The following NWD2 variants were observed in gnomAD, a reference collection of about 807,000 sequenced individuals.
The protein encoded by NWD2 is NACHT and WD repeat domain containing 2.
In NWD2, 37 loss-of-function variants were observed where a neutral mutation model predicts 132.7. That is an observed-to-expected ratio of 0.28 (90% CI 0.21 to 0.37). The LOEUF (loss-of-function observed/expected upper bound fraction) is 0.37. Among genes scored for constraint, NWD2 ranks in the 10% least tolerant of loss-of-function variants. The probability of loss-of-function intolerance (pLI) is 1.00; values close to 1 mark genes in which losing one functional copy is unlikely to be tolerated. For missense variants in NWD2, 1,592 were observed against 2,122.4 expected (o/e 0.75, Z 4.91); for synonymous variants, 705 against 803.0 (o/e 0.88, Z 2.06).
At position 37,446,493 on chromosome 4, in the gene NWD2, C is replaced by T. The variant is rs376873433; in HGVS notation, c.4505C>T (p.Thr1502Ile). 4.0e-5 allele frequency: 62 copies of T among 1,551,702 alleles called. No individual in the cohort carries two copies. Among genetic ancestry groups the T allele is most frequent in the Non-Finnish European group, 5.3e-5 (61 of 1,146,996 alleles). Reference sequence around the variant, plus strand: ...ATCGTGTTTATCACATCGGCCGAGACTGTGAACATCTGGAGTCTGACAGAT... The same window carrying T: ...ATCGTGTTTATCACATCGGCCGAGATTGTGAACATCTGGAGTCTGACAGAT... ...DIIVFITSAE[T>I]VNIWSLTDEV... Residue 1502 changes from threonine (T) to isoleucine (I), a missense_variant, in exon 7 of 7, where the codon ACT (threonine) becomes ATT (isoleucine). Transcript: ENST00000309447. This position sits in a 1 kb window ranked among gnomAD's most constrained non-coding sequence, Gnocchi z 6.7.
Position 37,244,876 on chromosome 4 carries a change from C to T in NWD2, c.-192C>T. The T allele has an allele frequency of 3.1e-6, 2 of 644,532 alleles. No homozygotes were observed. The highest frequency in any genetic ancestry group is 2.5e-6 in the Non-Finnish European group (1 of 394,038). The allele number at this position is 644,532 out of a possible 1,614,324, so 39.9% of individuals were successfully genotyped here. A position where few individuals can be genotyped will look rare whatever the true frequency, so the allele number is the denominator to read the frequency against. On this transcript the variant is annotated 5_prime_UTR_variant, in exon 1 of 7. Coordinates refer to ENST00000309447, the MANE Select transcript of NWD2 (RefSeq NM_001144990.2). This position sits in a 1 kb window ranked among gnomAD's most constrained non-coding sequence, Gnocchi z 5.5. ...CCGCCGCGACAGGAGCCCGAGGGTC[C>T]GTATGGCTTCTCCTCGCCGGCGGGT...
At chr4:37,293,985 T>C (rs1718422748) in intron 1 of NWD2, among the ~76,000 whole-genome samples, 1 of 152,124 alleles carries the variant, frequency 6.6e-6, no homozygotes, top group Admixed American at 6.5e-5. Context: ...ATTAAAGCGT[T>C]ATAGGTAAGG....
chr4:37,434,085 C>A, intron 5 of NWD2, 65 bp downstream of exon 5: 2 of 986,138 alleles, frequency 2.0e-6, no homozygotes, highest in Non-Finnish European at 2.8e-6. Context: ...TACTGCTTCC[C>A]TTTAATGCCC....
At chr4:37,273,056 CCT>C (rs772069526) in intron 1 of NWD2, among the ~76,000 whole-genome samples, 12 of 151,770 alleles carry the variant, frequency 7.9e-5, no homozygotes, top group Non-Finnish European at 1.2e-4. Context: ...ATCCTGAAGG[CCT>C]CTCTGTAGTG....
At position 37,409,337 on chromosome 4, in the gene NWD2, C is replaced by T. The variant is rs1229293870; in HGVS notation, c.358-21235C>T. Among the ~76,000 whole-genome samples the T allele has an allele frequency of 2.6e-5, 4 of 151,736 alleles. No individual in the cohort carries two copies. In the East Asian group the frequency reaches 7.8e-4, roughly 30 times the overall value. ...TAAATGACCTGATGGATCTGAAAAA[C>T]ACAGCACAAGAACTTCGTGAAGCAT... On this transcript the variant is annotated intron_variant, in intron 3 of 6. Transcript: ENST00000309447.
intron 1 of NWD2, among the ~76,000 whole-genome samples, chr4:37,249,629 A>T (rs567023360): frequency 6.6e-6 from 1 of 152,344 alleles, no homozygotes; most frequent in East Asian, 1.9e-4. Flanking sequence ...CTAAGGAGTA[A>T]CTGACAGCAT....
At chr4:37,366,006 CA>C (rs1320141091) in intron 3 of NWD2, among the ~76,000 whole-genome samples, 1 of 152,104 alleles carries the variant, frequency 6.6e-6, no homozygotes, top group Non-Finnish European at 1.5e-5. Flanking sequence ...TTTAAAAAGA[CA>C]GTAGGGCTGT....
intron 3 of NWD2, among the ~76,000 whole-genome samples, chr4:37,374,290 G>A (rs1720299500): frequency 6.6e-6 from 1 of 152,132 alleles, no homozygotes; most frequent in Admixed American, 6.5e-5. Context: ...ATGAGTAAAA[G>A]CTTCCTGAGG....
chr4:37,389,267 A>G (rs1720634497), intron 3 of NWD2, among the ~76,000 whole-genome samples: 1 of 152,202 alleles, frequency 6.6e-6, no homozygotes, highest in South Asian at 2.1e-4. Context: ...CACAGTGCTG[A>G]TAATTCTCCT....
At chr4:37,350,952 T>A (rs957374554) in intron 2 of NWD2, among the ~76,000 whole-genome samples, 1 of 152,196 alleles carries the variant, frequency 6.6e-6, no homozygotes, top group Non-Finnish European at 1.5e-5. Context: ...CATGTGGTTT[T>A]TGACATTGGT....
chr4:37,407,915 C>T lies in NWD2; in HGVS notation c.358-22657C>T, dbSNP rs188364502. Reference sequence around the variant, plus strand: ...AAGCAGGATGGGGTGTCGCCTCACCCGGGAAGTGCATGGGGTCAGGGAATT... The same window carrying T: ...AAGCAGGATGGGGTGTCGCCTCACCTGGGAAGTGCATGGGGTCAGGGAATT... On this transcript the variant is annotated intron_variant, in intron 3 of 6. Coordinates refer to ENST00000309447, the MANE Select transcript of NWD2 (RefSeq NM_001144990.2). Among the ~76,000 whole-genome samples the T allele has an allele frequency of 1.2e-3, 176 of 152,236 alleles. 1 individual carries two copies. Among genetic ancestry groups the T allele is most frequent in the African/African-American group, 3.6e-3 (150 of 41,550 alleles).
intron 3 of NWD2, among the ~76,000 whole-genome samples, chr4:37,359,980 A>G (rs1335860746): frequency 6.6e-6 from 1 of 152,226 alleles, no homozygotes; most frequent in African/African-American, 2.4e-5. Flanking sequence ...ACTGAGAAGA[A>G]CAACATTTGA....
intron 3 of NWD2, among the ~76,000 whole-genome samples, chr4:37,362,976 C>T (rs1720012994): frequency 6.6e-6 from 1 of 151,518 alleles, no homozygotes; most frequent in Non-Finnish European, 1.5e-5. Context: ...CAAAAAAGAC[C>T]ATTAAAAATG....
intron 1 of NWD2, among the ~76,000 whole-genome samples, chr4:37,295,615 T>C (rs893112447): frequency 6.6e-6 from 1 of 152,204 alleles, no homozygotes; most frequent in African/African-American, 2.4e-5. Context: ...TATTCCTTTG[T>C]CCTTGTGGAA....
At chr4:37,368,419 A>G (rs1720142917) in intron 3 of NWD2, among the ~76,000 whole-genome samples, 1 of 152,194 alleles carries the variant, frequency 6.6e-6, no homozygotes, top group Admixed American at 6.5e-5. Flanking sequence ...GCAAGTTTCT[A>G]TAGTGCCTAT....
chr4:37,368,289 G>A (rs918135296), intron 3 of NWD2, among the ~76,000 whole-genome samples: 1 of 152,040 alleles, frequency 6.6e-6, no homozygotes, highest in Non-Finnish European at 1.5e-5. Context: ...TTCTCCCCTT[G>A]CACTTACCTA....
intron 3 of NWD2, among the ~76,000 whole-genome samples, chr4:37,425,152 T>C (rs1267673014): frequency 1.3e-5 from 2 of 152,112 alleles, no homozygotes; most frequent in Non-Finnish European, 2.9e-5. Context: ...ATTTTTTAAT[T>C]GTGGTGAAAT....
intron 3 of NWD2, among the ~76,000 whole-genome samples, chr4:37,377,594 C>T (rs945242411): frequency 6.6e-6 from 1 of 152,068 alleles, no homozygotes; most frequent in African/African-American, 2.4e-5. Flanking sequence ...ATTAGACAGG[C>T]GTGGTGGCAC....
chr4:37,279,303 T>G (rs1247062750), intron 1 of NWD2, among the ~76,000 whole-genome samples: 3 of 152,294 alleles, frequency 2.0e-5, no homozygotes, highest in Admixed American at 6.5e-5. Flanking sequence ...GGGTTGGTTT[T>G]GGAACAACAA....
Sources: allele counts gnomAD v4.1 joint callset (sites outside exome capture counted in the v4.1 genomes callset), GRCh38; gene constraint gnomAD v4.1.1; non-coding constraint Gnocchi (gnomAD v3.1); transcripts MANE v1.5; gene names NCBI Gene and HGNC (gene_info 2026-07-23, HGNC 2026-07-21).